The following PRTG variants were observed in gnomAD, a reference collection of about 807,000 sequenced individuals.
PRTG encodes protogenin, also known as immunoglobulin superfamily, DCC subclass, member 5.
Under a neutral mutation model 122.5 loss-of-function variants are expected in PRTG, and 67 were observed. The observed-to-expected ratio is 0.55, with a 90% CI of 0.45 to 0.67. PRTG has a LOEUF of 0.67. Ranked by LOEUF, PRTG falls within the 30% of genes least tolerant of loss-of-function variation. The pLI is 0.00. For missense variants in PRTG, 1,435 were observed against 1,415.4 expected (o/e 1.01, Z -0.22); for synonymous variants, 554 against 501.1 (o/e 1.11, Z -1.41).
chr15:55,661,457 A>C (rs1000451254), intron 11 of PRTG, among the ~76,000 whole-genome samples: 12 of 152,284 alleles, frequency 7.9e-5, no homozygotes, highest in Admixed American at 5.2e-4. Flanking sequence ...TACTTTATTT[A>C]GGGTTCTTTT....
chr15:55,662,102 G>A (rs1267816519), intron 11 of PRTG, among the ~76,000 whole-genome samples: 1 of 152,094 alleles, frequency 6.6e-6, no homozygotes. Flanking sequence ...TTGGAAAGTT[G>A]AACTTTCTTA....
At chr15:55,698,780 G>C (rs1228829862) in intron 2 of PRTG, among the ~76,000 whole-genome samples, 1 of 151,930 alleles carries the variant, frequency 6.6e-6, no homozygotes, top group African/African-American at 2.4e-5. Flanking sequence ...ATTTGTGACT[G>C]CCTGACTCTC....
At chr15:55,718,625 AAAC>A (rs2030693650) in intron 2 of PRTG, among the ~76,000 whole-genome samples, 1 of 124,584 alleles carries the variant, frequency 8.0e-6, no homozygotes, top group South Asian at 2.2e-4. Flanking sequence ...CACAAAAAAC[AAAC>A]AAAAAAAAAA....
At chr15:55,627,325 A>G (rs1361743323) in intron 16 of PRTG, among the ~76,000 whole-genome samples, 197 bp from the exon 17 acceptor site, 1 of 133,180 alleles carries the variant, frequency 7.5e-6, no homozygotes, top group East Asian at 3.9e-4. Flanking sequence ...CCAATATTAA[A>G]GTTTTTTTTT....
chr15:55,675,734 A>C (rs1451082291), intron 8 of PRTG, 51 bp from the exon 9 acceptor site: 1 of 1,200,456 alleles, frequency 8.3e-7, no homozygotes, highest in Admixed American at 1.8e-5. Context: ...AAATAAAATT[A>C]ACAAGACCAT....
chr15:55,659,982 T>C (rs1477853085), intron 11 of PRTG, among the ~76,000 whole-genome samples: 1 of 150,286 alleles, frequency 6.7e-6, no homozygotes, highest in African/African-American at 2.5e-5. Context: ...TTTAGAACAG[T>C]GGTTTCCAAA....
rs1220759417 is a variant in PRTG, at chr15:55,616,971, A to G, written c.*3041T>C. 1 of 152,152 alleles carries G rather than the reference A, an allele frequency of 6.6e-6. No individual in the cohort carries two copies. The highest frequency in any genetic ancestry group is 1.5e-5 in the Non-Finnish European group (1 of 67,988). 9.4% of individuals were successfully genotyped at this position (152,152 alleles called of 1,614,324 possible). A position where few individuals can be genotyped will look rare whatever the true frequency, so the allele number is the denominator to read the frequency against. ...AGTATCTTGTAATATTTGGCATAAA[A>G]ATGACATGCAGGTATCAGTACTTAC... On this transcript the variant is annotated 3_prime_UTR_variant, in exon 20 of 20. Coordinates refer to ENST00000389286, the MANE Select transcript of PRTG (RefSeq NM_173814.6).
At chr15:55,688,086 T>C (rs891136946) in intron 2 of PRTG, among the ~76,000 whole-genome samples, 2 of 152,216 alleles carry the variant, frequency 1.3e-5, no homozygotes, top group Admixed American at 1.3e-4. Context: ...ACTCTAAACA[T>C]GTCTTTACAT....
Position 55,702,933 on chromosome 15 carries a change from A to G in PRTG, c.398-19002T>C, listed in dbSNP as rs147297072. 3.9e-4 allele frequency: 381 copies of G among 985,318 alleles called. 1 individual carries two copies. In the East Asian group the frequency reaches 6.5e-3, roughly 17 times the overall value. 61.0% of individuals were successfully genotyped at this position (985,318 alleles called of 1,614,324 possible). ...CTGATCCAGCATATCCTGCAGACAC[A>G]TGTCAGTTCCGGGGTCCCCTGACAT... is the stretch of plus-strand genomic sequence containing the variant. On this transcript the variant is annotated intron_variant, in intron 2 of 19. Coordinates refer to ENST00000389286, the MANE Select transcript of PRTG (RefSeq NM_173814.6).
chr15:55,711,614 A>C (rs939229078), intron 2 of PRTG, among the ~76,000 whole-genome samples: 22 of 152,170 alleles, frequency 1.4e-4, no homozygotes, highest in African/African-American at 4.3e-4. Context: ...GACATGGTCC[A>C]ATCTTTCCTT....
Position 55,673,553 on chromosome 15 carries a change from C to T in PRTG, c.1670G>A (p.Arg557His), listed in dbSNP as rs773460441. Residue 557 changes from arginine to histidine, a missense_variant, in exon 10 of 20, where the codon CGC (arginine) becomes CAC (histidine). Coordinates refer to ENST00000389286, the MANE Select transcript of PRTG (RefSeq NM_173814.6). ...GQVVLYRLSF[R>H]LSTENSIQVL... is the part of the protein sequence containing the mutation. ...TTGGATTGAATTCTCAGTACTTAGG[C>T]GGAAAGACAAGCGATACAGCACCAC... 12 of 1,614,008 alleles carry T rather than the reference C, an allele frequency of 7.4e-6. No individual in the cohort carries two copies. Among genetic ancestry groups the T allele is most frequent in the East Asian group, 2.2e-5 (1 of 44,880 alleles).
At chr15:55,651,367 T>C (rs940884350) in intron 11 of PRTG, among the ~76,000 whole-genome samples, 1 of 152,198 alleles carries the variant, frequency 6.6e-6, no homozygotes, top group African/African-American at 2.4e-5. Flanking sequence ...TTAATTTTAC[T>C]TTAAGGAGAA....
At chr15:55,643,668 C>T (rs1468482583) in intron 11 of PRTG, among the ~76,000 whole-genome samples, 1 of 152,024 alleles carries the variant, frequency 6.6e-6, no homozygotes, top group East Asian at 1.9e-4. Context: ...AAGCTATCTG[C>T]CCGCCTTGGC....
At chr15:55,658,723 A>G (rs1030847391) in intron 11 of PRTG, among the ~76,000 whole-genome samples, 39 of 152,162 alleles carry the variant, frequency 2.6e-4, no homozygotes, top group Non-Finnish European at 4.4e-5. Flanking sequence ...TTACCCCTAG[A>G]AAAGTTGTAT....
At chr15:55,712,443 A>G (rs6493809) in intron 2 of PRTG, among the ~76,000 whole-genome samples, 19,132 of 152,184 alleles carry the variant, frequency 0.13, 1,493 homozygotes, top group East Asian at 0.35. Context: ...TCTCAGGTGG[A>G]TTTGATTTCT....
intron 9 of PRTG, 108 bp downstream of exon 9, chr15:55,675,411 G>T: frequency 1.2e-6 from 1 of 812,802 alleles, no homozygotes; most frequent in Non-Finnish European, 1.8e-6. Flanking sequence ...TAACATACCT[G>T]TTTTTTAACC....
rs1255505149 is a variant in PRTG, at chr15:55,672,648, C to A, written c.1853-15G>T. The A allele has an allele frequency of 6.3e-7, 1 of 1,597,362 alleles. No homozygotes were observed. The highest frequency in any genetic ancestry group is 1.7e-5 in the Admixed American group (1 of 57,706). On this transcript the variant is annotated splice_polypyrimidine_tract_variant and intron_variant, in intron 10 of 19. Transcript: ENST00000389286. ...AGACTTAGGGGCTAGCAAAATTCAT[C>A]AGAAAATGTATGTATAAACAACCCA...
In PRTG at chr15:55,616,358, A is replaced by G. The variant is rs1291493250; in HGVS notation, c.*3654T>C. On this transcript the variant is annotated 3_prime_UTR_variant, in exon 20 of 20. Transcript: ENST00000389286. ...TTGCCTCTTACATCCTTAGAGATGA[A>G]AAGCATCCCTATTATTAAGGGACTG... 1 of 152,154 alleles carries G rather than the reference A, an allele frequency of 6.6e-6. No individual in the cohort carries two copies. Among genetic ancestry groups the G allele is most frequent in the Non-Finnish European group, 1.5e-5 (1 of 67,980 alleles). The allele number at this position is 152,154 out of a possible 1,614,324, so 9.4% of individuals were successfully genotyped here. A position where few individuals can be genotyped will look rare whatever the true frequency, so the allele number is the denominator to read the frequency against.
chr15:55,714,173 C>T (rs1467294293), intron 2 of PRTG, among the ~76,000 whole-genome samples: 4 of 150,532 alleles, frequency 2.7e-5, no homozygotes, highest in African/African-American at 4.9e-5. Context: ...GAGAAGTAGT[C>T]ATCCTTTTAT....
Sources: allele counts gnomAD v4.1 joint callset (sites outside exome capture counted in the v4.1 genomes callset), GRCh38; gene constraint gnomAD v4.1.1; transcripts MANE v1.5; gene names NCBI Gene and HGNC (gene_info 2026-07-23, HGNC 2026-07-21).